NDUFS4: variants seen among roughly 807,000 people sequenced by gnomAD.
NDUFS4 encodes NADH:ubiquinone oxidoreductase subunit S4, also known as NADH dehydrogenase [ubiquinone] iron-sulfur protein 4, mitochondrial.
NDUFS4 carries 28 observed loss-of-function variants against 24.3 expected under a neutral mutation model. That is an observed-to-expected ratio of 1.15 (90% confidence interval 0.85 to 1.58). The LOEUF is 1.58. Among genes scored for constraint, NDUFS4 ranks in the 40% most tolerant of loss-of-function variants. NDUFS4 has a pLI of 0.00. For synonymous variants in NDUFS4, 93 were observed against 69.7 expected (o/e 1.34, Z -1.67); for missense variants, 223 against 207.9 (o/e 1.07, Z -0.45).
At chr5:53,669,019 G>T (rs936355188) in intron 4 of NDUFS4, among the ~76,000 whole-genome samples, 24 of 152,268 alleles carry the variant, frequency 1.6e-4, no homozygotes, top group African/African-American at 5.5e-4. Flanking sequence ...GAACAGTCAT[G>T]TTTATTCATT....
intron 2 of NDUFS4, among the ~76,000 whole-genome samples, chr5:53,622,113 T>C (rs1225042540): frequency 1.3e-5 from 2 of 152,220 alleles, no homozygotes; most frequent in African/African-American, 4.8e-5. Context: ...TTAATTATTA[T>C]ACTTCATGTA....
In NDUFS4 at chr5:53,570,279, T is replaced by C. The variant is rs116778184; in HGVS notation, c.98+9519T>C. On this transcript the variant is annotated intron_variant, in intron 1 of 4. Coordinates refer to ENST00000296684, the MANE Select transcript of NDUFS4 (RefSeq NM_002495.4). ...AGACTGTAATATAAATGTAGTCATATATAACCTTTTGAGATTGTCTTTTTT... is the reference window on the plus strand; with the variant it reads ...AGACTGTAATATAAATGTAGTCATACATAACCTTTTGAGATTGTCTTTTTT... 4.6e-3 allele frequency among the ~76,000 whole-genome samples: 708 copies of C among 152,336 alleles called. 5 individuals are homozygous for C. The highest frequency in any genetic ancestry group is 0.016 in the African/African-American group (682 of 41,580).
At chr5:53,651,966 G>A (rs1382203434) in intron 3 of NDUFS4, among the ~76,000 whole-genome samples, 1 of 151,860 alleles carries the variant, frequency 6.6e-6, no homozygotes, top group Non-Finnish European at 1.5e-5. Flanking sequence ...GTAGAGATGG[G>A]GTTTCACCGT....
At chr5:53,628,022 C>T (rs918503804) in intron 2 of NDUFS4, among the ~76,000 whole-genome samples, 2 of 152,140 alleles carry the variant, frequency 1.3e-5, no homozygotes, top group Non-Finnish European at 2.9e-5. Context: ...GTAGGTTTGT[C>T]ATAAATAGCT....
intron 2 of NDUFS4, among the ~76,000 whole-genome samples, chr5:53,620,224 A>G (rs923303463): frequency 6.6e-6 from 1 of 152,124 alleles, no homozygotes; most frequent in Admixed American, 6.6e-5. Context: ...AACTTTAGAG[A>G]TATGGCTTTA....
intron 2 of NDUFS4, among the ~76,000 whole-genome samples, chr5:53,637,322 T>G (rs561752487): frequency 1.2e-3 from 190 of 152,326 alleles, no homozygotes; most frequent in Non-Finnish European, 1.5e-3. Context: ...TTTTTACCCC[T>G]AAGGGGCTTT....
At chr5:53,594,438 C>T (rs1331716207) in intron 1 of NDUFS4, among the ~76,000 whole-genome samples, 3 of 152,038 alleles carry the variant, frequency 2.0e-5, no homozygotes, top group African/African-American at 7.2e-5. Context: ...AAATGGGTTT[C>T]TTTTCAGTAA....
chr5:53,595,611 T>C (rs1209416534), intron 1 of NDUFS4, among the ~76,000 whole-genome samples: 3 of 152,226 alleles, frequency 2.0e-5, no homozygotes, highest in Non-Finnish European at 2.9e-5. Context: ...CTTTCTCCTT[T>C]ACATTTTCCG....
intron 2 of NDUFS4, among the ~76,000 whole-genome samples, chr5:53,613,141 T>G (rs905570955): frequency 6.6e-6 from 1 of 152,042 alleles, no homozygotes; most frequent in Non-Finnish European, 1.5e-5. Flanking sequence ...TGAGATTACT[T>G]TCTTTTGGTG....
intron 3 of NDUFS4, among the ~76,000 whole-genome samples, chr5:53,649,838 A>G (rs977282961): frequency 2.2e-4 from 34 of 152,142 alleles, no homozygotes; most frequent in African/African-American, 6.0e-4. Context: ...CTTGCCAACA[A>G]TAGCCATTCT....
At chr5:53,619,305 TTAA>T (rs372202258) in intron 2 of NDUFS4, among the ~76,000 whole-genome samples, 37,211 of 130,450 alleles carry the variant, frequency 0.29, 5,489 homozygotes, top group Admixed American at 0.37. Flanking sequence ...TGCTAAAAAT[TTAA>T]AAAAAAAAAA....
intron 4 of NDUFS4, among the ~76,000 whole-genome samples, chr5:53,671,825 T>TC (rs745376172): frequency 4.6e-5 from 7 of 152,148 alleles, no homozygotes; most frequent in Non-Finnish European, 8.8e-5. Flanking sequence ...TGGTCTTTTT[T>TC]CCCCCGTTTG....
chr5:53,578,072 T>C (rs1749443221), intron 1 of NDUFS4, among the ~76,000 whole-genome samples: 1 of 152,246 alleles, frequency 6.6e-6, no homozygotes. Flanking sequence ...GTGATAGTCT[T>C]GTCTTCCATT....
intron 4 of NDUFS4, among the ~76,000 whole-genome samples, chr5:53,668,205 A>C (rs1038503922): frequency 6.6e-6 from 1 of 152,198 alleles, no homozygotes; most frequent in Non-Finnish European, 1.5e-5. Flanking sequence ...TTTGATTTGT[A>C]TATCAATTAT....
intron 1 of NDUFS4, among the ~76,000 whole-genome samples, chr5:53,592,948 G>A (rs1750020861): frequency 6.6e-6 from 1 of 152,082 alleles, no homozygotes; most frequent in South Asian, 2.1e-4. Flanking sequence ...TGAATTTAGT[G>A]CTAATATCTG....
chr5:53,604,822 G>T, intron 2 of NDUFS4: 1 of 456,230 alleles, frequency 2.2e-6, no homozygotes, highest in Non-Finnish European at 4.4e-6. Flanking sequence ...TGGAGTTCCT[G>T]TTCACTCTAC....
chr5:53,649,289 T>C (rs574686962), intron 3 of NDUFS4, among the ~76,000 whole-genome samples: 2 of 152,328 alleles, frequency 1.3e-5, no homozygotes, highest in African/African-American at 4.8e-5. Flanking sequence ...TTTGGGCTTC[T>C]AGTGAACTCA....
At chr5:53,601,130 A>C (rs2112454269) in intron 1 of NDUFS4, among the ~76,000 whole-genome samples, 1 of 151,490 alleles carries the variant, frequency 6.6e-6, no homozygotes, top group Non-Finnish European at 1.5e-5. Context: ...TCAGCCTCCG[A>C]GTAGCTGCGA....
intron 1 of NDUFS4, among the ~76,000 whole-genome samples, chr5:53,562,040 G>T (rs1275512015): frequency 1.3e-5 from 2 of 150,816 alleles, no homozygotes; most frequent in Non-Finnish European, 2.9e-5. Flanking sequence ...TTCTCACTCT[G>T]ACGCCCAGGC....
Sources: allele counts gnomAD v4.1 joint callset (sites outside exome capture counted in the v4.1 genomes callset), GRCh38; gene constraint gnomAD v4.1.1; transcripts MANE v1.5; gene names NCBI Gene and HGNC (gene_info 2026-07-23, HGNC 2026-07-21).